Variants in SLC38A10 observed in about 807,000 individuals in gnomAD.
The protein encoded by SLC38A10 is solute carrier family 38 member 10.
A neutral mutation model predicts 81.0 loss-of-function variants in SLC38A10; 53 were observed. That is an observed-to-expected ratio of 0.65 (90% CI 0.53 to 0.82). The LOEUF is 0.82. SLC38A10 is among the 40% of genes least tolerant of loss of function. SLC38A10 has a pLI of 0.00. For synonymous variants in SLC38A10, 665 were observed against 655.3 expected (o/e 1.01, Z -0.23); for missense variants, 1,471 against 1,545.0 (o/e 0.95, Z 0.80).
intron 4 of SLC38A10, 84 bp from the exon 5 acceptor site, chr17:81,282,416 C>T: frequency 6.6e-7 from 1 of 1,518,164 alleles, no homozygotes. Context: ...AGTGGGAGCG[C>T]CCCGAGCCCG....
At position 81,245,351 on chromosome 17, in the gene SLC38A10, G is replaced by C. The variant is rs2062838255; in HGVS notation, c.*205C>G. ...GTCAGAGGACCTCAGACTAAGAGCT[G>C]CAACAGAACGACAGCAAGAACATTC... On this transcript the variant is annotated 3_prime_UTR_variant, in exon 16 of 16. Transcript: ENST00000374759. 2 of 632,522 alleles carry C rather than the reference G, an allele frequency of 3.2e-6. No individual in the cohort carries two copies. The highest frequency in any genetic ancestry group is 6.3e-5 in the East Asian group (2 of 31,854). 39.2% of individuals were successfully genotyped at this position (632,522 alleles called of 1,614,324 possible). A position where few individuals can be genotyped will look rare whatever the true frequency, so the allele number is the denominator to read the frequency against.
At position 81,246,586 on chromosome 17, in the gene SLC38A10, G is replaced by T; in HGVS notation, c.2330C>A (p.Pro777His). 2.0e-6 allele frequency: 3 copies of T among 1,517,500 alleles called. No homozygotes were observed. Among genetic ancestry groups the T allele is most frequent in the Non-Finnish European group, 2.6e-6 (3 of 1,135,016 alleles). The allele number at this position is 1,517,500 out of a possible 1,614,324, so 94.0% of individuals were successfully genotyped here. ...GKARETVENL[P>H]PLPLDPVLRA... ...GAGGACAGGGTCCAAAGGCAGGGGA[G>T]GCAGATTCTCCACCGTCTCCCTGGC... The change falls in exon 16 of 16, where the codon CCT (proline) becomes CAT (histidine). Residue 777 changes from proline to histidine, a missense_variant. Around this residue, in one of 2 missense-constraint regions of SLC38A10, gnomAD observed 751 missense variants for 717.4 expected, o/e 1.05. Transcript: ENST00000374759.
chr17:81,260,228 G>A lies in SLC38A10; in HGVS notation c.1288+10C>T, dbSNP rs1469263967. On this transcript the variant is annotated intron_variant, in intron 11 of 15. Coordinates refer to ENST00000374759, the MANE Select transcript of SLC38A10 (RefSeq NM_001037984.3). ...CCCTGAGAAGGCTCAGAGAGCCAGGGTGGGCATACCTGAGAGCCGCGCTGC... is the reference window on the plus strand; with the variant it reads ...CCCTGAGAAGGCTCAGAGAGCCAGGATGGGCATACCTGAGAGCCGCGCTGC... 1.1e-5 allele frequency: 17 copies of A among 1,595,884 alleles called. No individual in the cohort carries two copies. Among genetic ancestry groups the A allele is most frequent in the Non-Finnish European group, 1.4e-5 (16 of 1,172,116 alleles).
At chr17:81,267,964 G>GCT (rs1160214588) in intron 10 of SLC38A10, among the ~76,000 whole-genome samples, 1 of 151,568 alleles carries the variant, frequency 6.6e-6, no homozygotes, top group East Asian at 1.9e-4. Flanking sequence ...GAATGAGGGC[G>GCT]CTCCAGCAGC....
At chr17:81,282,071 C>CTTT (rs2063217456) in intron 5 of SLC38A10, 118 bp downstream of exon 5, 2 of 1,414,106 alleles carry the variant, frequency 1.4e-6, no homozygotes, top group Admixed American at 3.5e-5. Flanking sequence ...ACTTCCAACA[C>CTTT]ATTCCCAGGA....
At position 81,294,976 on chromosome 17, in the gene SLC38A10, C is replaced by A. The variant is rs547494907; in HGVS notation, c.-55G>T. ...GGCCTCGGGGGTCGCCGGGCTGCGGCCGGCTTTGGAAGCCCAGCCCGAGGC... is the reference window on the plus strand; with the variant it reads ...GGCCTCGGGGGTCGCCGGGCTGCGGACGGCTTTGGAAGCCCAGCCCGAGGC... On this transcript the variant is annotated 5_prime_UTR_variant, in exon 1 of 16. Coordinates refer to ENST00000374759, the MANE Select transcript of SLC38A10 (RefSeq NM_001037984.3). 8 of 1,522,850 alleles carry A rather than the reference C, an allele frequency of 5.3e-6. No homozygotes were observed. The Admixed American group carries it at 1.3e-4, about 25-fold the overall frequency. The allele number at this position is 1,522,850 out of a possible 1,614,324, so 94.3% of individuals were successfully genotyped here. A position where few individuals can be genotyped will look rare whatever the true frequency, so the allele number is the denominator to read the frequency against.
intron 5 of SLC38A10, 28 bp from the exon 6 acceptor site, chr17:81,280,761 G>A: frequency 6.3e-7 from 1 of 1,597,536 alleles, no homozygotes; most frequent in South Asian, 1.1e-5. Context: ...AGAGAGCACG[G>A]GGCAGGTCAG....
rs781573721 is a variant in SLC38A10, at chr17:81,246,188, C to T, written c.2728G>A (p.Ala910Thr). Reference protein sequence around the residue: ...AATGTSILKEANWLVAGPGAE... With the variant: ...AATGTSILKETNWLVAGPGAE... Reference sequence around the variant, plus strand: ...CCTGGCCCTGCCACGAGCCAGTTGGCTTCCTTCAGAATGCTGGTGCCAGTG... The same window carrying T: ...CCTGGCCCTGCCACGAGCCAGTTGGTTTCCTTCAGAATGCTGGTGCCAGTG... The change falls in exon 16 of 16, where the codon GCC (alanine) becomes ACC (threonine). Residue 910 changes from alanine (A) to threonine (T), a missense_variant. By Grantham distance (58) the Ala-to-Thr change is moderately conservative. Coordinates refer to ENST00000374759, the MANE Select transcript of SLC38A10 (RefSeq NM_001037984.3). The T allele has an allele frequency of 6.2e-7, 1 of 1,612,618 alleles. No individual in the cohort carries two copies. Among genetic ancestry groups the T allele is most frequent in the Non-Finnish European group, 8.5e-7 (1 of 1,179,944 alleles).
At chr17:81,282,371 G>A (rs549291351) in intron 4 of SLC38A10, 39 bp from the exon 5 acceptor site, 2 of 1,575,456 alleles carry the variant, frequency 1.3e-6, no homozygotes, top group East Asian at 2.3e-5. Flanking sequence ...CACAGCCCGT[G>A]CCTGCTCACC....
chr17:81,276,893 C>T lies in SLC38A10; in HGVS notation c.729+138G>A, dbSNP rs2063166921. The T allele has an allele frequency of 6.1e-6, 5 of 819,642 alleles. No individual in the cohort carries two copies. Among genetic ancestry groups the T allele is most frequent in the Non-Finnish European group, 9.9e-6 (5 of 502,584 alleles). 50.8% of individuals were successfully genotyped at this position (819,642 alleles called of 1,614,324 possible). A position where few individuals can be genotyped will look rare whatever the true frequency, so the allele number is the denominator to read the frequency against. On this transcript the variant is annotated intron_variant, in intron 7 of 15. Coordinates refer to ENST00000374759, the MANE Select transcript of SLC38A10 (RefSeq NM_001037984.3). This position sits in a 1 kb window ranked among gnomAD's most constrained non-coding sequence, Gnocchi z 4.7. Reference sequence around the variant, plus strand: ...CTGCCCCAGGTCCCCGCGCAGCCTCCAGACACTGGGATGGGAACAGAGAGA... The same window carrying T: ...CTGCCCCAGGTCCCCGCGCAGCCTCTAGACACTGGGATGGGAACAGAGAGA...
rs761513487 is a variant in SLC38A10, at chr17:81,246,312, C to A, written c.2604G>T (p.Gly868=). The A allele has an allele frequency of 6.2e-7, 1 of 1,610,752 alleles. No homozygotes were observed. Among genetic ancestry groups the A allele is most frequent in the Non-Finnish European group, 8.5e-7 (1 of 1,179,848 alleles). ...VPVPDPAREA[G]GPEERLAEEF... ...CCTCTGCGAGGCGCTCCTCTGGGCC[C>A]CCGGCTTCCCTGGCGGGGTCTGGCA... The change falls in exon 16 of 16, where the codon GGG becomes GGT. Residue 868 remains glycine (G), a synonymous_variant. Transcript: ENST00000374759.
chr17:81,276,907 G>T lies in SLC38A10; in HGVS notation c.729+124C>A. 1 of 935,704 alleles carries T rather than the reference G, an allele frequency of 1.1e-6. No individual in the cohort carries two copies. The highest frequency in any genetic ancestry group is 1.7e-6 in the Non-Finnish European group (1 of 594,596). 58.0% of individuals were successfully genotyped at this position (935,704 alleles called of 1,614,324 possible). A position where few individuals can be genotyped will look rare whatever the true frequency, so the allele number is the denominator to read the frequency against. ...CGCGCAGCCTCCAGACACTGGGATG[G>T]GAACAGAGAGAAAAACCCAGCAGCA... On this transcript the variant is annotated intron_variant, in intron 7 of 15. Coordinates refer to ENST00000374759, the MANE Select transcript of SLC38A10 (RefSeq NM_001037984.3). The surrounding 1 kb of genome is among the most constrained non-coding windows in gnomAD (Gnocchi z 4.7).
chr17:81,267,628 A>G (rs946533864), intron 10 of SLC38A10, among the ~76,000 whole-genome samples: 15 of 152,200 alleles, frequency 9.9e-5, no homozygotes, highest in Admixed American at 2.0e-4. Context: ...CTCTCATGCT[A>G]TCTTAAGCTC....
rs906463939 is a variant in SLC38A10 at position 81,288,350 on chromosome 17, G to A, written c.217+1341C>T. Among the ~76,000 whole-genome samples the A allele has an allele frequency of 2.0e-5, 3 of 152,210 alleles. No individual in the cohort carries two copies. Among genetic ancestry groups the A allele is most frequent in the African/African-American group, 4.8e-5 (2 of 41,440 alleles). On this transcript the variant is annotated intron_variant, in intron 2 of 15. Coordinates refer to ENST00000374759, the MANE Select transcript of SLC38A10 (RefSeq NM_001037984.3). This position sits in a 1 kb window ranked among gnomAD's most constrained non-coding sequence, Gnocchi z 5.4. ...GGGGCAGGATGGCCTTCTGCAGGGA[G>A]GACCTAACATCCCAGCCGCACACTG...
At position 81,246,310 on chromosome 17, in the gene SLC38A10, C is replaced by T. The variant is rs768460185; in HGVS notation, c.2606G>A (p.Gly869Asp). ...TTCCTCTGCGAGGCGCTCCTCTGGG[C>T]CCCCGGCTTCCCTGGCGGGGTCTGG... ...PVPDPAREAG[G>D]PEERLAEEFP... Residue 869 changes from glycine (G) to aspartate (D), a missense_variant, in exon 16 of 16, where the codon GGC (glycine) becomes GAC (aspartate). By Grantham distance (94) the Gly-to-Asp change is moderately conservative. This residue lies in a region of SLC38A10 where 751 missense variants were observed against 717.4 expected (regional missense o/e 1.05). Coordinates refer to ENST00000374759, the MANE Select transcript of SLC38A10 (RefSeq NM_001037984.3). 4 of 1,610,376 alleles carry T rather than the reference C, an allele frequency of 2.5e-6. No individual in the cohort carries two copies. Among genetic ancestry groups the T allele is most frequent in the Admixed American group, 1.7e-5 (1 of 60,000 alleles).
chr17:81,249,144 G>A (rs2062880497), intron 14 of SLC38A10, among the ~76,000 whole-genome samples: 2 of 144,796 alleles, frequency 1.4e-5, no homozygotes, highest in South Asian at 4.8e-4. Context: ...CTCCTCAAAG[G>A]ACTAGCCCTG....
Position 81,252,500 on chromosome 17 carries a change from C to A in SLC38A10, c.1640G>T (p.Arg547Ile). ...QMAPPLPDSE[R>I]EKQEPEQGEV... ...TCCCTGCTCCGGCTCTTGTTTCTCT[C>A]TTTCTGAGTCGGGCAGAGGCGGCGC... The change falls in exon 13 of 16, where the codon AGA becomes ATA. Residue 547 changes from arginine (R) to isoleucine (I), a missense_variant. By Grantham distance (97) the Arg-to-Ile change is moderately conservative. Around this residue, in one of 2 missense-constraint regions of SLC38A10, gnomAD observed 720 missense variants for 827.7 expected, o/e 0.87. Coordinates refer to ENST00000374759, the MANE Select transcript of SLC38A10 (RefSeq NM_001037984.3). The A allele has an allele frequency of 6.2e-7, 1 of 1,613,360 alleles. No homozygotes were observed. Among genetic ancestry groups the A allele is most frequent in the Non-Finnish European group, 8.5e-7 (1 of 1,179,934 alleles).
At chr17:81,284,254 A>G (rs2063243184) in intron 3 of SLC38A10, among the ~76,000 whole-genome samples, 1 of 152,136 alleles carries the variant, frequency 6.6e-6, no homozygotes, top group African/African-American at 2.4e-5. Flanking sequence ...GCTACTTCGG[A>G]GGCTGAGGCA....
chr17:81,260,220 G>A lies in SLC38A10; in HGVS notation c.1288+18C>T. 6.3e-7 allele frequency: 1 copy of A among 1,590,728 alleles called. No individual in the cohort carries two copies. The highest frequency in any genetic ancestry group is 8.6e-7 in the Non-Finnish European group (1 of 1,169,454). On this transcript the variant is annotated intron_variant, in intron 11 of 15. Transcript: ENST00000374759. ...GGCACTTGCCCTGAGAAGGCTCAGA[G>A]AGCCAGGGTGGGCATACCTGAGAGC...
Sources: gnomAD v4.1 joint callset for allele counts (sites outside exome capture counted in the v4.1 genomes callset) on GRCh38, gnomAD v4.1.1 for gene constraint, gnomAD v4.1.1 regional missense constraint, Gnocchi (gnomAD v3.1) non-coding constraint, MANE v1.5 for transcripts, NCBI Gene and HGNC (gene_info 2026-07-23, HGNC 2026-07-21) for gene names.